SEPTIN7: variants seen among roughly 807,000 people sequenced by gnomAD.
The protein encoded by SEPTIN7 is septin-7.
Under a neutral mutation model 63.3 loss-of-function variants are expected in SEPTIN7, and 10 were observed. The ratio of observed to expected loss-of-function variants is 0.16; its 90% confidence interval spans 0.10 to 0.27. SEPTIN7 has a LOEUF of 0.27. SEPTIN7 is among the 10% of genes least tolerant of loss of function. SEPTIN7 has a pLI of 1.00. For missense variants in SEPTIN7, 310 were observed against 521.0 expected (o/e 0.59, Z 3.94); for synonymous variants, 131 against 165.3 (o/e 0.79, Z 1.59).
chr7:35,816,077 T>G (rs1325772337), intron 1 of SEPTIN7, among the ~76,000 whole-genome samples: 1 of 152,186 alleles, frequency 6.6e-6, no homozygotes, highest in Non-Finnish European at 1.5e-5. Flanking sequence ...TATCACAGAT[T>G]TATTGAGATA....
intron 1 of SEPTIN7, among the ~76,000 whole-genome samples, chr7:35,830,229 G>A (rs1040137912): frequency 2.0e-5 from 3 of 151,882 alleles, no homozygotes; most frequent in Non-Finnish European, 2.9e-5. Flanking sequence ...AAGTGCAAAA[G>A]CCATGAAGTG....
chr7:35,834,537 G>C (rs1055003080), intron 3 of SEPTIN7, among the ~76,000 whole-genome samples: 4 of 151,964 alleles, frequency 2.6e-5, no homozygotes, highest in African/African-American at 9.7e-5. Context: ...GACTTCAACT[G>C]AGGCCAAAGA....
At position 35,820,272 on chromosome 7, in the gene SEPTIN7, G is replaced by A. The variant is rs534283474; in HGVS notation, c.62-11220G>A. ...TATCTTATTCAGTTTGTTGAGCTTT[G>A]ATGTTGATACTAATGTTTTTCTTCA... On this transcript the variant is annotated intron_variant, in intron 1 of 13. Coordinates refer to ENST00000350320, the MANE Select transcript of SEPTIN7 (RefSeq NM_001788.6). Among the ~76,000 whole-genome samples the A allele has an allele frequency of 3.9e-5, 6 of 152,110 alleles. No homozygotes were observed. In the South Asian group the frequency reaches 1.2e-3, roughly 32 times the overall value.
chr7:35,851,837 A>C (rs1010625140), intron 3 of SEPTIN7, among the ~76,000 whole-genome samples: 10 of 152,182 alleles, frequency 6.6e-5, no homozygotes, highest in Non-Finnish European at 2.9e-5. Flanking sequence ...ATATTACTCT[A>C]CTAAATGTGA....
At chr7:35,897,543 T>G (rs769742815) in intron 11 of SEPTIN7, among the ~76,000 whole-genome samples, 1 of 152,168 alleles carries the variant, frequency 6.6e-6, no homozygotes, top group Non-Finnish European at 1.5e-5. Flanking sequence ...CTTATGTCTA[T>G]TTTTTTGGCA....
At chr7:35,812,512 A>G (rs1262738779) in intron 1 of SEPTIN7, among the ~76,000 whole-genome samples, 4 of 152,294 alleles carry the variant, frequency 2.6e-5, no homozygotes, top group African/African-American at 7.2e-5. Flanking sequence ...GGTTAAGGGA[A>G]ATGTCAAGGG....
At chr7:35,864,501 G>T (rs987117822) in intron 4 of SEPTIN7, among the ~76,000 whole-genome samples, 4 of 152,072 alleles carry the variant, frequency 2.6e-5, no homozygotes, top group African/African-American at 9.7e-5. Context: ...TCTGAATTGT[G>T]ATGTTCTGCA....
At chr7:35,875,122 G>A (rs1263758121) in intron 6 of SEPTIN7, among the ~76,000 whole-genome samples, 1 of 151,980 alleles carries the variant, frequency 6.6e-6, no homozygotes, top group Non-Finnish European at 1.5e-5. Context: ...CCATCCCCTT[G>A]GGGAAAATTT....
chr7:35,871,163 A>G (rs1786121288), intron 4 of SEPTIN7, among the ~76,000 whole-genome samples: 3 of 152,162 alleles, frequency 2.0e-5, no homozygotes, highest in African/African-American at 7.2e-5. Context: ...TTTTCACTTG[A>G]TAGTTTATAT....
At chr7:35,884,380 T>A (rs1478813473) in intron 9 of SEPTIN7, among the ~76,000 whole-genome samples, 1 of 152,142 alleles carries the variant, frequency 6.6e-6, no homozygotes, top group Non-Finnish European at 1.5e-5. Flanking sequence ...GCACAGATAT[T>A]CCAAAATTCC....
chr7:35,888,438 C>T (rs184196138), intron 10 of SEPTIN7, among the ~76,000 whole-genome samples: 1 of 152,248 alleles, frequency 6.6e-6, no homozygotes, highest in East Asian at 1.9e-4. Flanking sequence ...TTTTATCTTA[C>T]ACATTCATGC....
At chr7:35,874,061 T>C in intron 6 of SEPTIN7, 1 of 281,412 alleles carries the variant, frequency 3.6e-6, no homozygotes, top group East Asian at 7.7e-5. Context: ...AATTTAGCTT[T>C]CATGTTGACC....
chr7:35,853,463 A>G (rs1399656310), intron 3 of SEPTIN7, among the ~76,000 whole-genome samples: 1 of 152,194 alleles, frequency 6.6e-6, no homozygotes, highest in Non-Finnish European at 1.5e-5. Context: ...ATAGAGGTCA[A>G]GAAGCATGTT....
At chr7:35,806,355 G>A (rs1459133753) in intron 1 of SEPTIN7, among the ~76,000 whole-genome samples, 1 of 152,060 alleles carries the variant, frequency 6.6e-6, no homozygotes, top group African/African-American at 2.4e-5. Context: ...GTAATTACTG[G>A]ACATAGAACA....
intron 1 of SEPTIN7, among the ~76,000 whole-genome samples, chr7:35,811,718 T>C (rs1329249829): frequency 2.0e-5 from 3 of 151,282 alleles, no homozygotes; most frequent in African/African-American, 7.3e-5. Context: ...GAAACCCTGT[T>C]TCTACTAAAA....
intron 1 of SEPTIN7, chr7:35,815,121 T>C (rs1788971331): frequency 9.3e-6 from 4 of 429,956 alleles, no homozygotes; most frequent in African/African-American, 2.1e-5. Flanking sequence ...GTTCATCCTT[T>C]CACTGTGTAC....
At chr7:35,861,943 T>G (rs971981391) in intron 3 of SEPTIN7, among the ~76,000 whole-genome samples, 3 of 152,240 alleles carry the variant, frequency 2.0e-5, no homozygotes, top group Non-Finnish European at 4.4e-5. Flanking sequence ...GGGCATTTGC[T>G]TCATTCTGTA....
At chr7:35,895,214 TA>T (rs993273469) in intron 11 of SEPTIN7, among the ~76,000 whole-genome samples, 2 of 152,154 alleles carry the variant, frequency 1.3e-5, no homozygotes, top group Admixed American at 1.3e-4. Context: ...AAAAAAATAG[TA>T]AATGTGAAGA....
chr7:35,816,088 AT>A (rs1264226339), intron 1 of SEPTIN7, among the ~76,000 whole-genome samples: 2 of 152,152 alleles, frequency 1.3e-5, no homozygotes, highest in African/African-American at 4.8e-5. Flanking sequence ...TATTGAGATA[AT>A]TTACATGCCA....
Sources: gnomAD v4.1 joint callset for allele counts (sites outside exome capture counted in the v4.1 genomes callset) on GRCh38, gnomAD v4.1.1 for gene constraint, MANE v1.5 for transcripts, NCBI Gene and HGNC (gene_info 2026-07-23, HGNC 2026-07-21) for gene names.